Variants in PCDH15 observed in about 807,000 individuals in gnomAD.
PCDH15 encodes protocadherin-15.
Under a neutral mutation model 178.5 loss-of-function variants are expected in PCDH15, and 129 were observed. That is an observed-to-expected ratio of 0.72 (90% CI 0.63 to 0.84). The LOEUF (loss-of-function observed/expected upper bound fraction) is 0.84, where lower values mean the gene tolerates loss of function less well. Ranked by LOEUF, PCDH15 falls within the 40% of genes least tolerant of loss-of-function variation. The pLI is 0.00. For missense variants in PCDH15, 2,230 were observed against 2,099.9 expected, an observed-to-expected ratio of 1.06 and a Z score of -1.21; for synonymous variants, 800 against 732.0, an observed-to-expected ratio of 1.09 and a Z score of -1.50.
At chr10:54,466,030 CTGTA>C (rs1009885682) in intron 3 of PCDH15, among the ~76,000 whole-genome samples, 2 of 151,808 alleles carry the variant, frequency 1.3e-5, no homozygotes, top group African/African-American at 4.8e-5. Flanking sequence ...TGTAGGTTCT[CTGTA>C]TGTCTTATTT....
chr10:55,336,669 A>G (rs1429934920), intron 2 of PCDH15, among the ~76,000 whole-genome samples: 1 of 152,050 alleles, frequency 6.6e-6, no homozygotes, highest in Non-Finnish European at 1.5e-5. Flanking sequence ...AGGGCTTGCT[A>G]AATTCCATCC....
At chr10:55,038,396 AATATTTTAAACCT>A (rs1840787503) in intron 2 of PCDH15, among the ~76,000 whole-genome samples, 1 of 152,236 alleles carries the variant, frequency 6.6e-6, no homozygotes. Flanking sequence ...TTTAAAATGC[AATATTTTAAACCT>A]ATATGGATCA....
chr10:53,882,845 A>G (rs564488874), intron 26 of PCDH15, among the ~76,000 whole-genome samples: 1 of 152,310 alleles, frequency 6.6e-6, no homozygotes, highest in East Asian at 1.9e-4. Flanking sequence ...AAAGATGAAA[A>G]ATTGTAAAAA....
chr10:54,645,751 TATTG>T (rs2094117255), intron 2 of PCDH15, among the ~76,000 whole-genome samples: 1 of 152,184 alleles, frequency 6.6e-6, no homozygotes, highest in African/African-American at 2.4e-5. Context: ...CATTAAGGAA[TATTG>T]ATTAATGATG....
chr10:54,309,135 G>C (rs1011145178), intron 8 of PCDH15, among the ~76,000 whole-genome samples: 1 of 151,850 alleles, frequency 6.6e-6, no homozygotes, highest in Non-Finnish European at 1.5e-5. Context: ...TTAATATTTA[G>C]AACACTATTA....
chr10:53,866,114 G>A (rs1172259986), intron 27 of PCDH15, among the ~76,000 whole-genome samples: 1 of 152,088 alleles, frequency 6.6e-6, no homozygotes, highest in African/African-American at 2.4e-5. Flanking sequence ...CTTAGTCAAG[G>A]CTAAACAATG....
chr10:54,622,292 G>A (rs1780002037), intron 2 of PCDH15, among the ~76,000 whole-genome samples: 1 of 151,420 alleles, frequency 6.6e-6, no homozygotes, highest in South Asian at 2.1e-4. Context: ...GGGAAGCCGT[G>A]AGATATCAGA....
At chr10:54,292,453 T>A (rs1485632734) in intron 8 of PCDH15, among the ~76,000 whole-genome samples, 1 of 152,180 alleles carries the variant, frequency 6.6e-6, no homozygotes, top group Non-Finnish European at 1.5e-5. Flanking sequence ...TTCAACATAG[T>A]GTTGGAAGTT....
chr10:54,271,226 T>C (rs1043459988), intron 8 of PCDH15, among the ~76,000 whole-genome samples: 15 of 152,156 alleles, frequency 9.9e-5, no homozygotes, highest in Non-Finnish European at 1.8e-4. Context: ...GTTTGTTTGT[T>C]TTGAGACAGA....
chr10:54,367,134 G>A (rs1033692331), intron 5 of PCDH15, among the ~76,000 whole-genome samples: 1 of 152,036 alleles, frequency 6.6e-6, no homozygotes, highest in African/African-American at 2.4e-5. Context: ...AATGAACAGT[G>A]TGAGCAAAGG....
At chr10:54,333,447 C>A (rs1209595837) in intron 6 of PCDH15, among the ~76,000 whole-genome samples, 1 of 151,284 alleles carries the variant, frequency 6.6e-6, no homozygotes, top group African/African-American at 2.4e-5. Context: ...ATATAGATAT[C>A]TTTGGTATCT....
chr10:53,985,307 C>T (rs577794972), intron 21 of PCDH15, among the ~76,000 whole-genome samples: 1 of 152,238 alleles, frequency 6.6e-6, no homozygotes, highest in African/African-American at 2.4e-5. Flanking sequence ...TTAATCAAAT[C>T]CTGCTGCACC....
chr10:54,546,882 A>G (rs545192922), intron 2 of PCDH15, among the ~76,000 whole-genome samples: 120 of 152,288 alleles, frequency 7.9e-4, no homozygotes, highest in African/African-American at 2.7e-3. Context: ...TATGGCACTG[A>G]TGGTGATATG....
At chr10:54,534,293 T>C (rs528377292) in intron 2 of PCDH15, among the ~76,000 whole-genome samples, 2 of 152,306 alleles carry the variant, frequency 1.3e-5, no homozygotes, top group Non-Finnish European at 2.9e-5. Flanking sequence ...GTGAAATATA[T>C]TGTTATTAAG....
intron 2 of PCDH15, among the ~76,000 whole-genome samples, chr10:54,926,878 T>G (rs191389065): frequency 2.3e-4 from 35 of 152,210 alleles, no homozygotes; most frequent in Admixed American, 9.2e-4. Context: ...TCTACTTTAT[T>G]AAATTTACAA....
At chr10:54,287,208 A>C (rs555858678) in intron 8 of PCDH15, among the ~76,000 whole-genome samples, 1 of 152,190 alleles carries the variant, frequency 6.6e-6, no homozygotes, top group Non-Finnish European at 1.5e-5. Flanking sequence ...CTATATACCC[A>C]TCAGTGTATT....
chr10:55,510,272 C>A (rs953059949), intron 2 of PCDH15, among the ~76,000 whole-genome samples: 1 of 151,862 alleles, frequency 6.6e-6, no homozygotes, highest in African/African-American at 2.4e-5. Context: ...ACGGTAGAAT[C>A]ACATATTGAT....
chr10:54,121,567 G>C (rs72797040), intron 15 of PCDH15, among the ~76,000 whole-genome samples: 8,012 of 152,070 alleles, frequency 0.053, 238 homozygotes, highest in Middle Eastern at 0.078. Context: ...TTAATAAAGA[G>C]AAGAAAAGAA....
chr10:55,410,352 T>C (rs971922584), intron 2 of PCDH15, among the ~76,000 whole-genome samples: 3 of 152,046 alleles, frequency 2.0e-5, no homozygotes, highest in African/African-American at 7.2e-5. Flanking sequence ...TAATTTTTTT[T>C]CCTAAGTCTT....
Sources: allele counts gnomAD v4.1 joint callset (sites outside exome capture counted in the v4.1 genomes callset), GRCh38; gene constraint gnomAD v4.1.1; transcripts MANE v1.5; gene names NCBI Gene and HGNC (gene_info 2026-07-23, HGNC 2026-07-21).